HMX1: variants seen among roughly 807,000 people sequenced by gnomAD.
The protein encoded by HMX1 is H6 family homeobox 1.
HMX1 carries 8 observed loss-of-function variants against 8.9 expected under a neutral mutation model. The observed-to-expected ratio is 0.90, with a 90% CI of 0.53 to 1.63. HMX1 has a LOEUF of 1.63. Ranked by LOEUF, HMX1 falls within the 40% of genes most tolerant of loss-of-function variation. The probability of loss-of-function intolerance (pLI) is 0.00; values close to 1 mark genes in which losing one functional copy is unlikely to be tolerated. For synonymous variants in HMX1, 311 were observed against 283.4 expected, an observed-to-expected ratio of 1.10 and a Z score of -0.98; for missense variants, 621 against 558.5, an observed-to-expected ratio of 1.11 and a Z score of -1.13.
Position 8,867,215 on chromosome 4 carries a change from G to T in HMX1, c.*478C>A, listed in dbSNP as rs1722026509. Reference sequence around the variant, plus strand: ...TTTCTCCACCAGCACCCGCGAGAGGGGTAGCACAGCCCTCCGGGCCGGCCT... The same window carrying T: ...TTTCTCCACCAGCACCCGCGAGAGGTGTAGCACAGCCCTCCGGGCCGGCCT... On this transcript the variant is annotated 3_prime_UTR_variant, in exon 2 of 2. Transcript: ENST00000400677. 5.1e-6 allele frequency: 5 copies of T among 985,816 alleles called. No individual in the cohort carries two copies. The highest frequency in any genetic ancestry group is 6.1e-5 in the Admixed American group (1 of 16,278). 61.1% of individuals were successfully genotyped at this position (985,816 alleles called of 1,614,324 possible).
chr4:8,869,071 C>T (rs544904002), intron 1 of HMX1, among the ~76,000 whole-genome samples: 10 of 152,332 alleles, frequency 6.6e-5, no homozygotes, highest in East Asian at 1.9e-4. Flanking sequence ...AAAGGGAACA[C>T]GGGCACATGC....
At chr4:8,864,947 G>C (rs1031459665), downstream of HMX1, among the ~76,000 whole-genome samples, 5 of 152,180 alleles carry the variant, frequency 3.3e-5, no homozygotes, top group African/African-American at 1.2e-4. Context: ...CCCTGCATTT[G>C]AACTGTGTAG....
In HMX1 at chr4:8,867,828, G is replaced by A; in HGVS notation, c.912C>T (p.Phe304=). 17 of 1,227,726 alleles carry A rather than the reference G, an allele frequency of 1.4e-5. No individual in the cohort carries two copies. Among genetic ancestry groups the A allele is most frequent in the Non-Finnish European group, 1.7e-5 (17 of 987,342 alleles). The allele number at this position is 1,227,726 out of a possible 1,614,324, so 76.1% of individuals were successfully genotyped here. ...AAAGPPATLP[F]PLAPAAPAPP... is the part of the protein sequence containing the mutation. ...GCGCGGGCGCGGCGGGCGCCAGCGG[G>A]AAGGGCAGGGTGGCCGGGGGCCCAG... Residue 304 remains phenylalanine (F), a synonymous_variant, in exon 2 of 2, where the codon TTC becomes TTT. Transcript: ENST00000400677.
At position 8,871,701 on chromosome 4, in the gene HMX1, C is replaced by A. The variant is rs976847772; in HGVS notation, c.-87G>T. The A allele has an allele frequency of 1.8e-6, 2 of 1,107,204 alleles. No homozygotes were observed. Among genetic ancestry groups the A allele is most frequent in the Non-Finnish European group, 2.2e-6 (2 of 908,874 alleles). The allele number at this position is 1,107,204 out of a possible 1,614,324, so 68.6% of individuals were successfully genotyped here. The stretch of plus-strand genomic sequence containing the variant: ...GCGGCTCCCGGGCGCACGCGCGGGC[C>A]GGCCCTGGAGCTGCTACCCGGACCG... On this transcript the variant is annotated 5_prime_UTR_variant, in exon 1 of 2. Coordinates refer to ENST00000400677, the MANE Select transcript of HMX1 (RefSeq NM_018942.3). The surrounding 1 kb of genome is among the most constrained non-coding windows in gnomAD (Gnocchi z 4.8).
intron 1 of HMX1, among the ~76,000 whole-genome samples, chr4:8,869,958 C>T (rs896931697): frequency 6.6e-6 from 1 of 151,856 alleles, no homozygotes; most frequent in Non-Finnish European, 1.5e-5. Flanking sequence ...CGCTCGATTT[C>T]TGGGAAACCA....
rs1474319706 is a variant in HMX1 at position 8,848,156 on chromosome 4, G to A, written c.395-1832C>T. Among the ~76,000 whole-genome samples, 5 of 152,112 alleles carry A rather than the reference G, an allele frequency of 3.3e-5. No homozygotes were observed. Among genetic ancestry groups the A allele is most frequent in the African/African-American group, 4.8e-5 (2 of 41,418 alleles). ...GATCAAGTATTTCCAATAAAACTTC[G>A]GCATCTGAATGGAGATGTGCTGTAA... On this transcript the variant is annotated intron_variant, in intron 1 of 1. Coordinates refer to the HMX1 transcript ENST00000506970. This position sits in a 1 kb window ranked among gnomAD's most constrained non-coding sequence, Gnocchi z 4.1.
Position 8,867,364 on chromosome 4 carries a change from G to C in HMX1, c.*329C>G. 9.7e-7 allele frequency: 1 copy of C among 1,028,438 alleles called. No homozygotes were observed. Among genetic ancestry groups the C allele is most frequent in the Non-Finnish European group, 1.2e-6 (1 of 858,632 alleles). The allele number at this position is 1,028,438 out of a possible 1,614,324, so 63.7% of individuals were successfully genotyped here. A position where few individuals can be genotyped will look rare whatever the true frequency, so the allele number is the denominator to read the frequency against. ...TTGCGCTGGGCTTGGCCTGAGGGCA[G>C]CTGCCCCGGGTGGCCATGGCCGACC... is the stretch of plus-strand genomic sequence containing the variant. On this transcript the variant is annotated 3_prime_UTR_variant, in exon 2 of 2. Transcript: ENST00000400677.
intron 1 of HMX1, among the ~76,000 whole-genome samples, chr4:8,858,277 G>C (rs1181341043): frequency 6.6e-6 from 1 of 152,158 alleles, no homozygotes; most frequent in Non-Finnish European, 1.5e-5. Flanking sequence ...AGCGGCGACC[G>C]CGGGAGGGGG....
downstream of HMX1, among the ~76,000 whole-genome samples, chr4:8,862,827 G>C (rs535862043): frequency 6.6e-6 from 1 of 152,260 alleles, no homozygotes; most frequent in South Asian, 2.1e-4. Flanking sequence ...GGTGAGGCTG[G>C]CTCTTCGACC....
chr4:8,861,808 T>C (rs1372768509), intron 1 of HMX1, among the ~76,000 whole-genome samples: 1 of 152,210 alleles, frequency 6.6e-6, no homozygotes, highest in Non-Finnish European at 1.5e-5. Context: ...GGGGCGCACC[T>C]TTCGCGTGGG....
rs1454060123 is a variant in HMX1, at chr4:8,868,382, G to A, written c.395-37C>T. 7 of 1,331,558 alleles carry A rather than the reference G, an allele frequency of 5.3e-6. No homozygotes were observed. In the South Asian group the frequency reaches 7.6e-5, roughly 14 times the overall value. The allele number at this position is 1,331,558 out of a possible 1,614,324, so 82.5% of individuals were successfully genotyped here. A position where few individuals can be genotyped will look rare whatever the true frequency, so the allele number is the denominator to read the frequency against. Reference sequence around the variant, plus strand: ...AGAGGGCACCACCGTTGGTTCTAGGGCACTGATTACCAGACTCAATCACTG... The same window carrying A: ...AGAGGGCACCACCGTTGGTTCTAGGACACTGATTACCAGACTCAATCACTG... On this transcript the variant is annotated intron_variant, in intron 1 of 1. Transcript: ENST00000400677. This position sits in a 1 kb window ranked among gnomAD's most constrained non-coding sequence, Gnocchi z 4.6.
At chr4:8,856,231 G>C (rs555572992) in intron 1 of HMX1, among the ~76,000 whole-genome samples, 1 of 152,290 alleles carries the variant, frequency 6.6e-6, no homozygotes, top group Admixed American at 6.5e-5. Context: ...ACAGTTGATA[G>C]ATTCCTTTTA....
downstream of HMX1, among the ~76,000 whole-genome samples, chr4:8,865,495 G>T (rs533747559): frequency 6.6e-4 from 100 of 151,942 alleles, no homozygotes; most frequent in African/African-American, 2.1e-3. Context: ...GGACTCGGAG[G>T]CTCCGCGGTG....
In HMX1 at chr4:8,871,172, G is replaced by T. The variant is rs1560187379; in HGVS notation, c.394+49C>A. On this transcript the variant is annotated intron_variant, in intron 1 of 1. Transcript: ENST00000400677. This position sits in a 1 kb window ranked among gnomAD's most constrained non-coding sequence, Gnocchi z 4.8. ...AAGTCCCCCAGCAAATGCGCAGGGA[G>T]GAAGTCGGGCCCCACCGCCTGACCC... 1.5e-6 allele frequency: 2 copies of T among 1,346,402 alleles called. No individual in the cohort carries two copies. The allele number at this position is 1,346,402 out of a possible 1,614,324, so 83.4% of individuals were successfully genotyped here. A position where few individuals can be genotyped will look rare whatever the true frequency, so the allele number is the denominator to read the frequency against.
chr4:8,846,668 C>T (rs1327274995), intron 1 of HMX1, among the ~76,000 whole-genome samples: 4 of 152,160 alleles, frequency 2.6e-5, no homozygotes. Context: ...CCACCTCTCA[C>T]ACTCCCCTGC....
chr4:8,871,450 C>G lies in HMX1; in HGVS notation c.165G>C (p.Glu55Asp), dbSNP rs1722219236. Residue 55 changes from glutamate to aspartate, a missense_variant, in exon 1 of 2, where the codon GAG becomes GAC. Coordinates refer to ENST00000400677, the MANE Select transcript of HMX1 (RefSeq NM_018942.3). This position sits in a 1 kb window ranked among gnomAD's most constrained non-coding sequence, Gnocchi z 4.8. ...EEEDDDDPEDEDAEQARRRRL... is the reference protein window; with the variant it reads ...EEEDDDDPEDDDAEQARRRRL... The stretch of plus-strand genomic sequence containing the variant: ...GTCGCCGCCGCGCCTGCTCGGCGTC[C>G]TCGTCTTCGGGGTCGTCGTCGTCCT... The G allele has an allele frequency of 3.7e-6, 5 of 1,338,582 alleles. No homozygotes were observed. Among genetic ancestry groups the G allele is most frequent in the South Asian group, 1.5e-5 (1 of 64,562 alleles). The allele number at this position is 1,338,582 out of a possible 1,614,324, so 82.9% of individuals were successfully genotyped here. A position where few individuals can be genotyped will look rare whatever the true frequency, so the allele number is the denominator to read the frequency against.
chr4:8,865,824 C>T (rs1577199387), downstream of HMX1, among the ~76,000 whole-genome samples: 2 of 152,184 alleles, frequency 1.3e-5, no homozygotes, highest in East Asian at 3.9e-4. Flanking sequence ...AACGGACTTC[C>T]TGGTTTAGCC....
At position 8,871,687 on chromosome 4, in the gene HMX1, G is replaced by T; in HGVS notation, c.-73C>A. ...GGGGATGGTGGCGCGCGGCTCCCGG[G>T]CGCACGCGCGGGCCGGCCCTGGAGC... On this transcript the variant is annotated 5_prime_UTR_variant, in exon 1 of 2. Transcript: ENST00000400677. The surrounding 1 kb of genome is among the most constrained non-coding windows in gnomAD (Gnocchi z 4.8). 8.8e-7 allele frequency: 1 copy of T among 1,131,930 alleles called. No individual in the cohort carries two copies. The highest frequency in any genetic ancestry group is 1.1e-6 in the Non-Finnish European group (1 of 924,434). The allele number at this position is 1,131,930 out of a possible 1,614,324, so 70.1% of individuals were successfully genotyped here. A position where few individuals can be genotyped will look rare whatever the true frequency, so the allele number is the denominator to read the frequency against.
rs1358914300 is a variant in HMX1 at position 8,871,537 on chromosome 4, C to T, written c.78G>A (p.Ala26=). The T allele has an allele frequency of 1.4e-5, 19 of 1,361,628 alleles. No homozygotes were observed. The highest frequency in any genetic ancestry group is 1.4e-5 in the Non-Finnish European group (15 of 1,055,376). The allele number at this position is 1,361,628 out of a possible 1,614,324, so 84.3% of individuals were successfully genotyped here. A position where few individuals can be genotyped will look rare whatever the true frequency, so the allele number is the denominator to read the frequency against. ...CGCGCCCTGCGCCCTTGGCCTCGGC[C>T]GCCAGCAGGTTCTCGATGAGGAAGG... ...ASSFLIENLL[A]AEAKGAGRAT... The change falls in exon 1 of 2, where the codon GCG becomes GCA. Residue 26 remains alanine, a synonymous_variant. Coordinates refer to ENST00000400677, the MANE Select transcript of HMX1 (RefSeq NM_018942.3). The surrounding 1 kb of genome is among the most constrained non-coding windows in gnomAD (Gnocchi z 4.8).
Sources: allele counts gnomAD v4.1 joint callset (sites outside exome capture counted in the v4.1 genomes callset), GRCh38; gene constraint gnomAD v4.1.1; non-coding constraint Gnocchi (gnomAD v3.1); transcripts MANE v1.5; gene names NCBI Gene and HGNC (gene_info 2026-07-23, HGNC 2026-07-21).